Variants in PTTG1IP2 observed in about 807,000 individuals in gnomAD.
PTTG1IP2 encodes the protein PTTG1IP family member 2.
intron 6 of PTTG1IP2, among the ~76,000 whole-genome samples, chr7:90,505,541 G>A (rs1798114144): frequency 6.6e-6 from 1 of 152,204 alleles, no homozygotes; most frequent in Non-Finnish European, 1.5e-5. Flanking sequence ...TCAAAATCAT[G>A]GAGAAAGACT....
At chr7:90,497,030 A>G (rs1458200187) in intron 6 of PTTG1IP2, among the ~76,000 whole-genome samples, 1 of 152,198 alleles carries the variant, frequency 6.6e-6, no homozygotes, top group Non-Finnish European at 1.5e-5. Flanking sequence ...CTAGTTTCAT[A>G]TCATCACGGT....
chr7:90,510,311 A>AT (rs2116135884), intron 6 of PTTG1IP2, among the ~76,000 whole-genome samples: 1 of 152,356 alleles, frequency 6.6e-6, no homozygotes, highest in African/African-American at 2.4e-5. Context: ...AAGAAAAAAA[A>AT]GTGCAAATTG....
intron 6 of PTTG1IP2, among the ~76,000 whole-genome samples, chr7:90,508,746 C>T (rs1460429158): frequency 6.6e-6 from 1 of 152,180 alleles, no homozygotes; most frequent in Non-Finnish European, 1.5e-5. Context: ...GACAAGGAAA[C>T]TAAGCCTTTA....
chr7:90,507,256 G>A (rs906110242), intron 6 of PTTG1IP2, among the ~76,000 whole-genome samples: 3 of 152,090 alleles, frequency 2.0e-5, no homozygotes, highest in East Asian at 1.9e-4. Flanking sequence ...ATAAAACCAC[G>A]TAAATGAAAC....
At chr7:90,484,681 C>A (rs949996001) in intron 2 of PTTG1IP2, among the ~76,000 whole-genome samples, 1 of 152,098 alleles carries the variant, frequency 6.6e-6, no homozygotes. Context: ...GTATTAGTCA[C>A]ATATTTTTGT....
chr7:90,470,963 CAAA>C (rs5885726), intron 1 of PTTG1IP2, among the ~76,000 whole-genome samples: 14 of 108,108 alleles, frequency 1.3e-4, no homozygotes, highest in Admixed American at 2.7e-4. Context: ...TGATGAAGAA[CAAA>C]AAAAAAAAAA....
At chr7:90,503,039 G>A (rs1328355866) in intron 6 of PTTG1IP2, among the ~76,000 whole-genome samples, 2 of 152,186 alleles carry the variant, frequency 1.3e-5, no homozygotes, top group African/African-American at 4.8e-5. Context: ...CTATTTTTTA[G>A]TGTAGCCACC....
intron 6 of PTTG1IP2, among the ~76,000 whole-genome samples, chr7:90,509,101 G>A (rs11563857): frequency 0.14 from 20,477 of 148,192 alleles, 1,696 homozygotes; most frequent in Middle Eastern, 0.25. Context: ...TTATTTTGAA[G>A]GAATGTGAAG....
chr7:90,509,257 A>G (rs949098868), intron 6 of PTTG1IP2, among the ~76,000 whole-genome samples: 1 of 152,014 alleles, frequency 6.6e-6, no homozygotes, highest in Non-Finnish European at 1.5e-5. Context: ...ACCAGTCAGG[A>G]GGAGACTGCT....
At chr7:90,481,329 G>A (rs1797813778) in intron 2 of PTTG1IP2, among the ~76,000 whole-genome samples, 1 of 152,052 alleles carries the variant, frequency 6.6e-6, no homozygotes, top group African/African-American at 2.4e-5. Flanking sequence ...AACTCTGATT[G>A]GTCCTTTGGT....
At chr7:90,482,054 C>T (rs539129726) in intron 2 of PTTG1IP2, among the ~76,000 whole-genome samples, 31 of 151,782 alleles carry the variant, frequency 2.0e-4, no homozygotes, top group Admixed American at 6.6e-4. Flanking sequence ...AAGATAATTC[C>T]ACATGGTCAA....
At chr7:90,508,470 T>C (rs1444598543) in intron 6 of PTTG1IP2, among the ~76,000 whole-genome samples, 1 of 151,774 alleles carries the variant, frequency 6.6e-6, no homozygotes, top group South Asian at 2.1e-4. Context: ...GGGGAGGAAA[T>C]TTTCAGGGGA....
chr7:90,502,109 C>G (rs559534428), intron 6 of PTTG1IP2, among the ~76,000 whole-genome samples: 1 of 152,330 alleles, frequency 6.6e-6, no homozygotes, highest in South Asian at 2.1e-4. Flanking sequence ...CAAGTTTTAT[C>G]ATGTGATTGC....
intron 1 of PTTG1IP2, among the ~76,000 whole-genome samples, chr7:90,478,408 T>C (rs998384984): frequency 6.6e-6 from 1 of 152,210 alleles, no homozygotes; most frequent in African/African-American, 2.4e-5. Context: ...CATGGGTATT[T>C]CAAGGATACT....
intron 4 of PTTG1IP2, among the ~76,000 whole-genome samples, chr7:90,490,616 A>G (rs910176560): frequency 1.6e-4 from 24 of 152,154 alleles, no homozygotes; most frequent in Non-Finnish European, 3.1e-4. Context: ...ACAAACATAC[A>G]CATATACACA....
intron 2 of PTTG1IP2, among the ~76,000 whole-genome samples, chr7:90,479,789 A>ACAGGTTTG (rs1159300050): frequency 2.0e-5 from 3 of 152,334 alleles, no homozygotes; most frequent in African/African-American, 7.2e-5. Flanking sequence ...TGTGTCACAG[A>ACAGGTTTG]CAGGTTTGCA....
At chr7:90,506,282 C>A (rs6465267) in intron 6 of PTTG1IP2, among the ~76,000 whole-genome samples, 145,486 of 152,168 alleles carry the variant, frequency 0.96, 69,587 homozygotes, top group East Asian at 1. Flanking sequence ...CCAACTAAAT[C>A]GGGAGCATTG....
At chr7:90,477,453 A>T (rs1181858418) in intron 1 of PTTG1IP2, among the ~76,000 whole-genome samples, 1 of 152,216 alleles carries the variant, frequency 6.6e-6, no homozygotes. Flanking sequence ...TAATGTGTTG[A>T]GGAAGGAACT....
At chr7:90,470,914 A>G (rs536536342) in intron 1 of PTTG1IP2, among the ~76,000 whole-genome samples, 1 of 151,170 alleles carries the variant, frequency 6.6e-6, no homozygotes, top group African/African-American at 2.4e-5. Context: ...CTGGACTCAT[A>G]CCGGAAATTT....
Sources: gnomAD v4.1 joint callset for allele counts (sites outside exome capture counted in the v4.1 genomes callset) on GRCh38, gnomAD v4.1.1 for gene constraint, MANE v1.5 for transcripts, NCBI Gene and HGNC (gene_info 2026-07-23, HGNC 2026-07-21) for gene names.